TMEM161B: variants seen among roughly 807,000 people sequenced by gnomAD.
The protein encoded by TMEM161B is transmembrane protein 161B.
Under a neutral mutation model 61.8 loss-of-function variants are expected in TMEM161B, and 34 were observed. The ratio of observed to expected loss-of-function variants is 0.55; its 90% CI spans 0.42 to 0.73. The LOEUF (loss-of-function observed/expected upper bound fraction) is 0.73, where lower values mean the gene tolerates loss of function less well. TMEM161B is among the 30% of genes least tolerant of loss of function. TMEM161B has a pLI of 0.00. For synonymous variants in TMEM161B, 167 were observed against 192.8 expected (o/e 0.87, Z 1.11); for missense variants, 456 against 558.5 (o/e 0.82, Z 1.85).
chr5:88,206,638 T>C, intron 6 of TMEM161B, 139 bp from the exon 7 acceptor site: 1 of 839,216 alleles, frequency 1.2e-6, no homozygotes, highest in South Asian at 2.0e-5. Context: ...CATGTGTTAA[T>C]TAGTATGCCA....
intron 8 of TMEM161B, among the ~76,000 whole-genome samples, chr5:88,203,964 C>T (rs1011325505): frequency 4.6e-5 from 7 of 151,438 alleles, no homozygotes; most frequent in Non-Finnish European, 8.8e-5. Flanking sequence ...AACGCAAATT[C>T]TTCACCCATT....
At chr5:88,249,965 T>C (rs1251994473) in intron 1 of TMEM161B, among the ~76,000 whole-genome samples, 1 of 152,088 alleles carries the variant, frequency 6.6e-6, no homozygotes, top group Non-Finnish European at 1.5e-5. Flanking sequence ...AACTAACCAA[T>C]CTGCAGGGCC....
chr5:88,192,083 A>AC (rs1749011361), downstream of TMEM161B, among the ~76,000 whole-genome samples: 1 of 139,810 alleles, frequency 7.2e-6, no homozygotes, highest in African/African-American at 2.6e-5. Flanking sequence ...AAAAAAAAAA[A>AC]CTATAGACAG....
chr5:88,211,664 G>A (rs1476612001), intron 5 of TMEM161B, among the ~76,000 whole-genome samples: 2 of 151,864 alleles, frequency 1.3e-5, no homozygotes, highest in African/African-American at 4.8e-5. Flanking sequence ...CAGCTAACTC[G>A]GGAAGCTGAG....
intron 8 of TMEM161B, among the ~76,000 whole-genome samples, chr5:88,203,784 T>C (rs1580361274): frequency 2.9e-4 from 5 of 17,522 alleles, no homozygotes; most frequent in Non-Finnish European, 5.8e-4. Context: ...TATATATATA[T>C]ATATATATAT....
chr5:88,197,588 A>G (rs1306823727), intron 11 of TMEM161B, 81 bp downstream of exon 11: 29 of 1,187,550 alleles, frequency 2.4e-5, no homozygotes, highest in Non-Finnish European at 3.5e-5. Context: ...TAAGAGTTGC[A>G]TTTCTTTGTT....
intron 8 of TMEM161B, among the ~76,000 whole-genome samples, chr5:88,204,151 C>T (rs1561313533): frequency 6.6e-6 from 1 of 151,914 alleles, no homozygotes; most frequent in African/African-American, 2.4e-5. Context: ...GCAGAACTCC[C>T]GCTCTAACCT....
At chr5:88,263,556 G>C (rs1215455160) in intron 1 of TMEM161B, among the ~76,000 whole-genome samples, 2 of 152,140 alleles carry the variant, frequency 1.3e-5, no homozygotes, top group Non-Finnish European at 2.9e-5. Context: ...GGTATACAAA[G>C]AGTTTACACT....
Position 88,205,806 on chromosome 5 carries a change from C to A in TMEM161B, c.800+8G>T. The A allele has an allele frequency of 6.2e-7, 1 of 1,611,868 alleles. No individual in the cohort carries two copies. The highest frequency in any genetic ancestry group is 8.5e-7 in the Non-Finnish European group (1 of 1,178,988). On this transcript the variant is annotated splice_region_variant and intron_variant, in intron 8 of 11. Coordinates refer to ENST00000296595, the MANE Select transcript of TMEM161B (RefSeq NM_153354.5). ...ATCTGCATGTGCTTATGTACATTTTCCGCTTACTGTGTAATTTTTTCTGTT... is the reference window on the plus strand; with the variant it reads ...ATCTGCATGTGCTTATGTACATTTTACGCTTACTGTGTAATTTTTTCTGTT...
downstream of TMEM161B, among the ~76,000 whole-genome samples, chr5:88,194,203 G>A (rs1749278621): frequency 6.6e-6 from 1 of 151,898 alleles, no homozygotes; most frequent in Admixed American, 6.6e-5. Context: ...ATTTCCATGA[G>A]TACTCATTGT....
At chr5:88,214,013 A>T (rs1747361427) in intron 5 of TMEM161B, among the ~76,000 whole-genome samples, 1 of 152,188 alleles carries the variant, frequency 6.6e-6, no homozygotes, top group Non-Finnish European at 1.5e-5. Flanking sequence ...GGAATTTAGA[A>T]ATGGTGACTA....
chr5:88,261,781 C>T, intron 1 of TMEM161B, among the ~76,000 whole-genome samples: 1 of 132,460 alleles, frequency 7.5e-6, no homozygotes, highest in Non-Finnish European at 1.6e-5. Flanking sequence ...ACACTCTTCA[C>T]AAAAGTTAAC....
chr5:88,260,040 A>C lies in TMEM161B; in HGVS notation c.3+8681T>G, dbSNP rs1755494352. ...CTCCATTTCTACATCTGTAAGATAAAGGTTTAAAAAAACAGAATTTAACTA... is the reference window on the plus strand; with the variant it reads ...CTCCATTTCTACATCTGTAAGATAACGGTTTAAAAAAACAGAATTTAACTA... On this transcript the variant is annotated intron_variant, in intron 1 of 11. Transcript: ENST00000296595. Among the ~76,000 whole-genome samples the C allele has an allele frequency of 2.6e-5, 4 of 152,350 alleles. No individual in the cohort carries two copies. In the South Asian group the frequency reaches 6.2e-4, roughly 24 times the overall value.
chr5:88,263,696 T>G (rs1341452986), intron 1 of TMEM161B, among the ~76,000 whole-genome samples: 1 of 152,226 alleles, frequency 6.6e-6, no homozygotes. Flanking sequence ...GAATATCTTC[T>G]GATTTTCTGA....
intron 1 of TMEM161B, chr5:88,259,111 A>G (rs369049343): frequency 1.3e-5 from 2 of 152,058 alleles, no homozygotes; most frequent in African/African-American, 4.8e-5. Context: ...GCCACTTACT[A>G]TTTATCTCAT....
chr5:88,199,394 A>G (rs1291990313), intron 9 of TMEM161B: 1 of 332,936 alleles, frequency 3.0e-6, no homozygotes, highest in African/African-American at 2.1e-5. Context: ...AAGTAGAGCA[A>G]TACATGAGAT....
chr5:88,233,113 TG>T (rs1289731075), intron 2 of TMEM161B, among the ~76,000 whole-genome samples: 1 of 152,240 alleles, frequency 6.6e-6, no homozygotes, highest in Non-Finnish European at 1.5e-5. Context: ...GAGAACCTTC[TG>T]TATTCAGATA....
chr5:88,251,821 T>TAC, intron 1 of TMEM161B, among the ~76,000 whole-genome samples: 1 of 152,288 alleles, frequency 6.6e-6, no homozygotes, highest in East Asian at 1.9e-4. Context: ...CTATCTAATA[T>TAC]ACATCCAGTA....
chr5:88,204,544 G>C (rs1331460580), intron 8 of TMEM161B, among the ~76,000 whole-genome samples: 8 of 152,104 alleles, frequency 5.3e-5, no homozygotes, highest in African/African-American at 1.9e-4. Context: ...TAGTATCAAG[G>C]AGCAGCCCAC....
Sources: allele counts gnomAD v4.1 joint callset (sites outside exome capture counted in the v4.1 genomes callset), GRCh38; gene constraint gnomAD v4.1.1; transcripts MANE v1.5; gene names NCBI Gene and HGNC (gene_info 2026-07-23, HGNC 2026-07-21).